Variants in ODR4 observed in about 807,000 individuals in gnomAD.
ODR4 encodes protein odr-4 homolog.
Under a neutral mutation model 60.2 loss-of-function variants are expected in ODR4, and 47 were observed. The observed-to-expected ratio is 0.78, with a 90% CI of 0.62 to 1.00. ODR4 has a LOEUF of 1.00. Ranked by LOEUF, ODR4 falls within the 50% of genes least tolerant of loss-of-function variation. The pLI is 0.00. For synonymous variants in ODR4, 178 were observed against 175.5 expected (o/e 1.01, Z -0.11); for missense variants, 488 against 530.8 (o/e 0.92, Z 0.79).
intron 9 of ODR4, among the ~76,000 whole-genome samples, chr1:186,394,619 A>G (rs1660601503): frequency 6.6e-6 from 1 of 152,232 alleles, no homozygotes; most frequent in African/African-American, 2.4e-5. Flanking sequence ...AGGGTATAAA[A>G]TAGCAAACGC....
At chr1:186,418,695 G>C (rs542570837) in intron 13 of ODR4, among the ~76,000 whole-genome samples, 2 of 152,248 alleles carry the variant, frequency 1.3e-5, no homozygotes, top group African/African-American at 4.8e-5. Flanking sequence ...AAGACAGCTG[G>C]TATGCCAATA....
chr1:186,398,562 A>G lies in ODR4; in HGVS notation c.909+121A>G, dbSNP rs1028729429. On this transcript the variant is annotated intron_variant, in intron 10 of 13. Transcript: ENST00000287859. The stretch of plus-strand genomic sequence containing the variant: ...ATTCGATTTTAACTGATAATGGCCT[A>G]TTGTGCAGTCCAAATGTACCATATA... 4 of 956,562 alleles carry G rather than the reference A, an allele frequency of 4.2e-6. No homozygotes were observed. The South Asian group carries it at 6.1e-5, about 15-fold the overall frequency. 59.3% of individuals were successfully genotyped at this position (956,562 alleles called of 1,614,324 possible).
rs1016598601 is a variant in ODR4 at position 186,419,142 on chromosome 1, T to A, written c.*66T>A. Reference sequence around the variant, plus strand: ...GACAGACAATTATGAATAATAAAGATGTTAACAATCCATCTGTATTTAAAA... The same window carrying A: ...GACAGACAATTATGAATAATAAAGAAGTTAACAATCCATCTGTATTTAAAA... On this transcript the variant is annotated 3_prime_UTR_variant, in exon 14 of 14. Transcript: ENST00000287859. 6 of 1,349,886 alleles carry A rather than the reference T, an allele frequency of 4.4e-6. No individual in the cohort carries two copies. Among genetic ancestry groups the A allele is most frequent in the Admixed American group, 1.9e-5 (1 of 51,790 alleles). 83.6% of individuals were successfully genotyped at this position (1,349,886 alleles called of 1,614,324 possible).
At chr1:186,381,537 C>T (rs887563180) in intron 2 of ODR4, among the ~76,000 whole-genome samples, 1 of 152,108 alleles carries the variant, frequency 6.6e-6, no homozygotes, top group African/African-American at 2.4e-5. Context: ...CCGTGTTAGC[C>T]AGGATGGTCT....
At chr1:186,405,625 T>C (rs1275414307) in intron 11 of ODR4, among the ~76,000 whole-genome samples, 2 of 152,160 alleles carry the variant, frequency 1.3e-5, no homozygotes, top group Non-Finnish European at 2.9e-5. Context: ...CGATCTTGGC[T>C]CACCGCAACC....
At chr1:186,383,317 A>G (rs546934382) in intron 3 of ODR4, among the ~76,000 whole-genome samples, 161 bp downstream of exon 3, 3 of 152,358 alleles carry the variant, frequency 2.0e-5, no homozygotes, top group South Asian at 4.1e-4. Flanking sequence ...TGTTGGCATT[A>G]CACGAGGAAG....
intron 12 of ODR4, among the ~76,000 whole-genome samples, chr1:186,407,061 T>C (rs1661199820): frequency 6.6e-6 from 1 of 152,142 alleles, no homozygotes. Flanking sequence ...ACTTCAAATC[T>C]ATAGTAAACT....
the ODR4 span, among the ~76,000 whole-genome samples, chr1:186,433,464 G>T: frequency 6.6e-6 from 1 of 152,062 alleles, no homozygotes. Flanking sequence ...GTCCTAAAGA[G>T]TAATTTGTCT....
At position 186,389,569 on chromosome 1, in the gene ODR4, C is replaced by A. The variant is rs1185115340; in HGVS notation, c.438-19C>A. The A allele has an allele frequency of 1.3e-6, 2 of 1,512,688 alleles. No homozygotes were observed. The highest frequency in any genetic ancestry group is 2.5e-5 in the South Asian group (2 of 80,632). The allele number at this position is 1,512,688 out of a possible 1,614,324, so 93.7% of individuals were successfully genotyped here. A position where few individuals can be genotyped will look rare whatever the true frequency, so the allele number is the denominator to read the frequency against. On this transcript the variant is annotated intron_variant, in intron 5 of 13. Transcript: ENST00000287859. ...CCAATAATGCCTTTTTTGGTTATTT[C>A]TGTCCTTAATTAGTGAAGAATATTT...
At chr1:186,412,193 G>A (rs1661404520) in intron 12 of ODR4, among the ~76,000 whole-genome samples, 1 of 152,124 alleles carries the variant, frequency 6.6e-6, no homozygotes, top group Admixed American at 6.6e-5. Context: ...TCAAAACAAG[G>A]TGGCCCATGT....
chr1:186,424,126 CT>C (rs1661844411), downstream of ODR4, among the ~76,000 whole-genome samples: 1 of 152,110 alleles, frequency 6.6e-6, no homozygotes, highest in South Asian at 2.1e-4. Context: ...TGTGAGAATG[CT>C]TGTGGCAGCC....
chr1:186,394,728 A>G (rs1335959562), intron 9 of ODR4, among the ~76,000 whole-genome samples: 1 of 152,238 alleles, frequency 6.6e-6, no homozygotes, highest in Non-Finnish European at 1.5e-5. Context: ...TAGAATTAAA[A>G]GCAATTTGGC....
chr1:186,399,138 C>T (rs1213483786), intron 11 of ODR4, 94 bp downstream of exon 11: 2 of 806,734 alleles, frequency 2.5e-6, no homozygotes, highest in African/African-American at 1.7e-5. Context: ...TTTATAGCTA[C>T]CTATCTATAT....
At chr1:186,410,039 A>C (rs1050575126) in intron 12 of ODR4, among the ~76,000 whole-genome samples, 3 of 152,230 alleles carry the variant, frequency 2.0e-5, no homozygotes, top group Admixed American at 6.5e-5. Context: ...ACATTAGACT[A>C]TAAGATTTTT....
Position 186,383,014 on chromosome 1 carries a change from T to C in ODR4, c.100-8T>C, listed in dbSNP as rs1198370301. On this transcript the variant is annotated splice_region_variant and splice_polypyrimidine_tract_variant and intron_variant, in intron 2 of 13. Transcript: ENST00000287859. ...CACTCTAACAAGCTTTTTAATTTGT[T>C]GTTGAAGTGTTCGTCACAAAAGGAT... The C allele has an allele frequency of 6.3e-7, 1 of 1,579,204 alleles. No homozygotes were observed. The highest frequency in any genetic ancestry group is 2.3e-5 in the East Asian group (1 of 43,854).
At chr1:186,381,040 C>T (rs1558057537) in intron 2 of ODR4, among the ~76,000 whole-genome samples, 1 of 152,240 alleles carries the variant, frequency 6.6e-6, no homozygotes, top group Admixed American at 6.5e-5. Flanking sequence ...TCTGTGAGGC[C>T]TCTCATTAGA....
At chr1:186,424,950 T>C (rs1452434167), downstream of ODR4, among the ~76,000 whole-genome samples, 1 of 149,962 alleles carries the variant, frequency 6.7e-6, no homozygotes, top group Non-Finnish European at 1.5e-5. Context: ...CAAAGTAATC[T>C]ACAGGGTCAG....
At chr1:186,392,140 G>T (rs996050872) in intron 8 of ODR4, among the ~76,000 whole-genome samples, 1 of 152,154 alleles carries the variant, frequency 6.6e-6, no homozygotes, top group Non-Finnish European at 1.5e-5. Context: ...AATAACAGAT[G>T]CTGGCAAGGC....
At chr1:186,411,079 T>A (rs1661366109) in intron 12 of ODR4, among the ~76,000 whole-genome samples, 1 of 152,080 alleles carries the variant, frequency 6.6e-6, no homozygotes, top group African/African-American at 2.4e-5. Context: ...ATGTTGAGTA[T>A]CCCTAATCTG....
Sources: gnomAD v4.1 joint callset for allele counts (sites outside exome capture counted in the v4.1 genomes callset) on GRCh38, gnomAD v4.1.1 for gene constraint, MANE v1.5 for transcripts, NCBI Gene and HGNC (gene_info 2026-07-23, HGNC 2026-07-21) for gene names.